Variants in CSDC2 observed in about 807,000 individuals in gnomAD.
CSDC2 encodes the protein cold shock domain containing C2, also known as cold shock domain-containing protein C2.
Under a neutral mutation model 15.8 loss-of-function variants are expected in CSDC2, and 8 were observed. The ratio of observed to expected loss-of-function variants is 0.51; its 90% CI spans 0.30 to 0.92. The LOEUF (loss-of-function observed/expected upper bound fraction) is 0.92, where lower values mean the gene tolerates loss of function less well. Ranked by LOEUF, CSDC2 falls within the 40% of genes least tolerant of loss-of-function variation. The pLI, the probability that CSDC2 is intolerant of heterozygous loss-of-function variation, is 0.07. For missense variants in CSDC2, 195 were observed against 213.3 expected (o/e 0.91, Z 0.53); for synonymous variants, 96 against 92.3 (o/e 1.04, Z -0.23).
At position 41,575,163 on chromosome 22, in the gene CSDC2, C is replaced by G. The variant is rs1305917776; in HGVS notation, c.*268C>G. ...GCGCTGTCCACTGCCTCTCTCCTCC[C>G]CTCCCTGCCGCAGACACGCAGGACC... On this transcript the variant is annotated 3_prime_UTR_variant, in exon 4 of 4. Transcript: ENST00000306149. The G allele has an allele frequency of 1.9e-6, 1 of 525,332 alleles. No individual in the cohort carries two copies. Among genetic ancestry groups the G allele is most frequent in the Non-Finnish European group, 3.4e-6 (1 of 292,878 alleles). The allele number at this position is 525,332 out of a possible 1,614,324, so 32.5% of individuals were successfully genotyped here. A position where few individuals can be genotyped will look rare whatever the true frequency, so the allele number is the denominator to read the frequency against.
chr22:41,567,549 C>G (rs4822040), intron 1 of CSDC2, among the ~76,000 whole-genome samples: 42,077 of 152,186 alleles, frequency 0.28, 6,830 homozygotes, highest in Admixed American at 0.45. Flanking sequence ...GTATCTCCAT[C>G]TTCCCTTCTC....
chr22:41,561,045 GAC>G lies in CSDC2; in HGVS notation c.-226_-225del, dbSNP rs61037464. The G allele has an allele frequency of 4.4e-3, 576 of 131,902 alleles. No individual in the cohort carries two copies. The highest frequency in any genetic ancestry group is 4.8e-3 in the African/African-American group (171 of 35,288). 8.2% of individuals were successfully genotyped at this position (131,902 alleles called of 1,614,324 possible). ...GGTACCGCCCGCGCGAGCACACACA[GAC>G]ACACACACACACACACACACACACA... On this transcript the variant is annotated 5_prime_UTR_variant, in exon 1 of 4. Coordinates refer to ENST00000306149, the MANE Select transcript of CSDC2 (RefSeq NM_014460.4).
At chr22:41,574,617 G>A in intron 3 of CSDC2, 116 bp from the exon 4 acceptor site, 2 of 1,260,324 alleles carry the variant, frequency 1.6e-6, no homozygotes, top group South Asian at 1.5e-5. Flanking sequence ...GCAAGGCCTG[G>A]CCAGGCCTCC....
intron 2 of CSDC2, among the ~76,000 whole-genome samples, 178 bp downstream of exon 2, chr22:41,572,319 T>TCCATCCAC (rs1569048995): frequency 5.4e-5 from 5 of 93,126 alleles, no homozygotes; most frequent in African/African-American, 2.9e-4. Flanking sequence ...CATCCACCCA[T>TCCATCCAC]CCATCCATCC....
At position 41,572,043 on chromosome 22, in the gene CSDC2, CT is replaced by C; in HGVS notation, c.80del (p.Phe27SerfsTer87). ...AGTCCCCAGTCTGGCCCACCTTCCC[CT>C]TCCACAGGGAGGGCAGCAGGGTCTG... ...PKSPVWPTFP[F>X]HREGSRVWER... On this transcript the variant is annotated frameshift_variant, in exon 2 of 4. Coordinates refer to ENST00000306149, the MANE Select transcript of CSDC2 (RefSeq NM_014460.4). LOFTEE classifies it high-confidence loss of function. 7.3e-7 allele frequency: 1 copy of C among 1,366,848 alleles called. No homozygotes were observed. The highest frequency in any genetic ancestry group is 9.4e-7 in the Non-Finnish European group (1 of 1,058,476). The allele number at this position is 1,366,848 out of a possible 1,614,324, so 84.7% of individuals were successfully genotyped here.
At chr22:41,567,985 A>C (rs1160476420) in intron 1 of CSDC2, among the ~76,000 whole-genome samples, 2 of 152,074 alleles carry the variant, frequency 1.3e-5, no homozygotes, top group African/African-American at 4.8e-5. Context: ...CTCTTCCCTC[A>C]ACACCCAATT....
intron 1 of CSDC2, among the ~76,000 whole-genome samples, chr22:41,564,592 C>G (rs2067104195): frequency 6.6e-6 from 1 of 152,120 alleles, no homozygotes; most frequent in Non-Finnish European, 1.5e-5. Flanking sequence ...TGTTTCTGTT[C>G]CCCCCGCTGG....
Position 41,561,036 on chromosome 22 carries a change from G to GCACACACACACACACACACACACA in CSDC2, c.-263_-262insCACACACACACACACACACACACA, listed in dbSNP as rs1344008586. 1 of 114,980 alleles carries GCACACACACACACACACACACACA rather than the reference G, an allele frequency of 8.7e-6. No individual in the cohort carries two copies. Among genetic ancestry groups the GCACACACACACACACACACACACA allele is most frequent in the African/African-American group, 3.6e-5 (1 of 28,058 alleles). The allele number at this position is 114,980 out of a possible 1,614,324, so 7.1% of individuals were successfully genotyped here. A position where few individuals can be genotyped will look rare whatever the true frequency, so the allele number is the denominator to read the frequency against. On this transcript the variant is annotated 5_prime_UTR_variant, in exon 1 of 4. Transcript: ENST00000306149. ...AGGGGCTGAGGTACCGCCCGCGCGA[G>GCACACACACACACACACACACACA]CACACACAGACACACACACACACAC...
At chr22:41,569,188 T>A (rs1601995078) in intron 1 of CSDC2, among the ~76,000 whole-genome samples, 1 of 152,194 alleles carries the variant, frequency 6.6e-6, no homozygotes, top group Non-Finnish European at 1.5e-5. Flanking sequence ...ACTCAAGGAG[T>A]GCACTGCAGG....
At chr22:41,570,298 T>C (rs759680907) in intron 1 of CSDC2, among the ~76,000 whole-genome samples, 2 of 151,968 alleles carry the variant, frequency 1.3e-5, no homozygotes, top group Admixed American at 6.6e-5. Context: ...GGAGGGAGGA[T>C]ACTACTCCAC....
At chr22:41,563,921 A>T (rs2067100188) in intron 1 of CSDC2, among the ~76,000 whole-genome samples, 1 of 151,278 alleles carries the variant, frequency 6.6e-6, no homozygotes, top group Non-Finnish European at 1.5e-5. Flanking sequence ...AATACAAAAA[A>T]AAAAAAAGAA....
intron 1 of CSDC2, among the ~76,000 whole-genome samples, chr22:41,567,561 C>A (rs918138881): frequency 6.6e-6 from 1 of 152,258 alleles, no homozygotes; most frequent in Admixed American, 6.5e-5. Context: ...TCCCTTCTCT[C>A]TGGTCTCTCG....
At chr22:41,563,709 GCACCTGACCTGCTGTGAGAGCTCAGC>G (rs2067099065) in intron 1 of CSDC2, among the ~76,000 whole-genome samples, 2 of 152,054 alleles carry the variant, frequency 1.3e-5, no homozygotes, top group Non-Finnish European at 2.9e-5. Context: ...CAGATATGCT[GCACCTGACCTGCTGTGAGAGCTCAGC>G]GAGGCTCTTC....
chr22:41,567,196 G>C (rs1043714010), intron 1 of CSDC2, among the ~76,000 whole-genome samples: 1 of 152,164 alleles, frequency 6.6e-6, no homozygotes, highest in African/African-American at 2.4e-5. Context: ...CTCAGGGAAA[G>C]TTCTTTTGGA....
In CSDC2 at chr22:41,572,161, C is replaced by A. The variant is rs551393115; in HGVS notation, c.176+20C>A. 2.3e-6 allele frequency: 3 copies of A among 1,293,146 alleles called. No homozygotes were observed. Among genetic ancestry groups the A allele is most frequent in the Non-Finnish European group, 3.0e-6 (3 of 1,013,104 alleles). 80.1% of individuals were successfully genotyped at this position (1,293,146 alleles called of 1,614,324 possible). On this transcript the variant is annotated intron_variant, in intron 2 of 3. Transcript: ENST00000306149. ...TTCAGCGTGAGTACCTGCCCCTTGCCCAGGCCCCTGACCCTTGTCAGGACA... is the reference window on the plus strand; with the variant it reads ...TTCAGCGTGAGTACCTGCCCCTTGCACAGGCCCCTGACCCTTGTCAGGACA...
At chr22:41,569,720 GA>G (rs1481861682) in intron 1 of CSDC2, among the ~76,000 whole-genome samples, 1 of 150,700 alleles carries the variant, frequency 6.6e-6, no homozygotes, top group African/African-American at 2.4e-5. Flanking sequence ...TGGCTGTTGT[GA>G]ATGAGCACTG....
At chr22:41,574,225 G>A (rs1313514716) in intron 3 of CSDC2, among the ~76,000 whole-genome samples, 1 of 152,220 alleles carries the variant, frequency 6.6e-6, no homozygotes, top group Non-Finnish European at 1.5e-5. Context: ...GTCCCCAAGG[G>A]ACCCAGAAAG....
In CSDC2 at chr22:41,571,895, C is replaced by T. The variant is rs370299013; in HGVS notation, c.-71C>T. ...GAGCAGGGCCAGGCCGGGCCCTGCC[C>T]GCAAGGACGACCAAACCCCTCACCG... On this transcript the variant is annotated 5_prime_UTR_variant, in exon 2 of 4. Transcript: ENST00000306149. 1.2e-5 allele frequency: 13 copies of T among 1,098,746 alleles called. No individual in the cohort carries two copies. Among genetic ancestry groups the T allele is most frequent in the South Asian group, 2.9e-5 (1 of 33,970 alleles). The allele number at this position is 1,098,746 out of a possible 1,614,324, so 68.1% of individuals were successfully genotyped here.
At chr22:41,563,375 C>T (rs1162852403) in intron 1 of CSDC2, among the ~76,000 whole-genome samples, 2 of 152,130 alleles carry the variant, frequency 1.3e-5, no homozygotes, top group African/African-American at 2.4e-5. Context: ...CACAAGCTCC[C>T]GATGTTCGGG....
Sources: gnomAD v4.1 joint callset for allele counts (sites outside exome capture counted in the v4.1 genomes callset) on GRCh38, gnomAD v4.1.1 for gene constraint, MANE v1.5 for transcripts, NCBI Gene and HGNC (gene_info 2026-07-23, HGNC 2026-07-21) for gene names.